NRG3: variants seen among roughly 807,000 people sequenced by gnomAD.
NRG3 encodes pro-neuregulin-3, membrane-bound isoform.
A neutral mutation model predicts 66.9 loss-of-function variants in NRG3; 31 were observed. The ratio of observed to expected loss-of-function variants is 0.46; its 90% CI spans 0.35 to 0.63. NRG3 has a LOEUF of 0.63. Among genes scored for constraint, NRG3 ranks in the 20% least tolerant of loss-of-function variants. The pLI, the probability that NRG3 is intolerant of heterozygous loss-of-function variation, is 0.00. For synonymous variants in NRG3, 393 were observed against 359.4 expected, an observed-to-expected ratio of 1.09 and a Z score of -1.06; for missense variants, 910 against 878.9, an observed-to-expected ratio of 1.04 and a Z score of -0.45.
intron 2 of NRG3, among the ~76,000 whole-genome samples, chr10:82,543,178 C>A (rs111889764): frequency 9.9e-5 from 15 of 152,086 alleles, no homozygotes; most frequent in African/African-American, 3.6e-4. Flanking sequence ...AGGCGGGAGC[C>A]ACCGTGCCCA....
At chr10:82,909,618 C>T (rs1845122023) in intron 4 of NRG3, among the ~76,000 whole-genome samples, 1 of 152,152 alleles carries the variant, frequency 6.6e-6, no homozygotes. Flanking sequence ...CATGTGCAGA[C>T]CAGAAGCACC....
chr10:82,822,392 G>A (rs961483613), intron 3 of NRG3, among the ~76,000 whole-genome samples: 11 of 152,082 alleles, frequency 7.2e-5, no homozygotes, highest in Non-Finnish European at 1.5e-4. Context: ...CCAGCAGGGA[G>A]AGAGGCACTA....
intron 1 of NRG3, among the ~76,000 whole-genome samples, chr10:82,153,936 T>C (rs889870747): frequency 6.6e-6 from 1 of 152,060 alleles, no homozygotes; most frequent in Non-Finnish European, 1.5e-5. Context: ...CATTCAGTTG[T>C]TTGAGTTCCT....
chr10:82,274,859 A>G (rs568842134), intron 1 of NRG3, among the ~76,000 whole-genome samples: 87 of 152,038 alleles, frequency 5.7e-4, no homozygotes, highest in Non-Finnish European at 1.0e-3. Context: ...ACTTGATCAG[A>G]CAAGACAGAA....
At chr10:82,367,451 A>G (rs938613353) in intron 2 of NRG3, among the ~76,000 whole-genome samples, 2 of 152,174 alleles carry the variant, frequency 1.3e-5, no homozygotes, top group African/African-American at 4.8e-5. Context: ...GAACTTTATC[A>G]AACTTTCTTT....
At position 82,955,643 on chromosome 10, in the gene NRG3, G is replaced by A. The variant is rs74426999; in HGVS notation, c.1158-3306G>A. Among the ~76,000 whole-genome samples the A allele has an allele frequency of 2.2e-3, 327 of 151,832 alleles. 7 individuals carry two copies. The highest frequency in any genetic ancestry group is 7.7e-3 in the African/African-American group (317 of 41,184). On this transcript the variant is annotated intron_variant, in intron 5 of 8. Coordinates refer to ENST00000372141, the MANE Select transcript of NRG3 (RefSeq NM_001010848.4). Reference sequence around the variant, plus strand: ...GGAAAAAAGAGGAGGATAAAAACTGGTATTATCAGTAAAATGTAGACACGG... The same window carrying A: ...GGAAAAAAGAGGAGGATAAAAACTGATATTATCAGTAAAATGTAGACACGG...
chr10:82,612,310 C>T (rs754863455), intron 2 of NRG3, among the ~76,000 whole-genome samples: 10 of 152,010 alleles, frequency 6.6e-5, no homozygotes, highest in Non-Finnish European at 1.5e-4. Flanking sequence ...CCTTCCTTCC[C>T]TCATTCATTC....
At chr10:82,627,473 AAAAT>A (rs1392764418) in intron 2 of NRG3, among the ~76,000 whole-genome samples, 7 of 152,174 alleles carry the variant, frequency 4.6e-5, no homozygotes, top group African/African-American at 1.2e-4. Flanking sequence ...GCTGTAGAAA[AAAAT>A]AAATAAAACA....
intron 1 of NRG3, among the ~76,000 whole-genome samples, chr10:81,999,326 T>C (rs1424985401): frequency 6.6e-6 from 1 of 152,192 alleles, no homozygotes; most frequent in African/African-American, 2.4e-5. Context: ...GAACGATTTC[T>C]AAAACTTATC....
intron 2 of NRG3, among the ~76,000 whole-genome samples, chr10:82,483,244 C>T (rs1035566615): frequency 6.6e-6 from 1 of 152,142 alleles, no homozygotes; most frequent in African/African-American, 2.4e-5. Flanking sequence ...AATGATGATG[C>T]TTTTATTATG....
intron 1 of NRG3, among the ~76,000 whole-genome samples, chr10:81,990,268 G>A (rs972968799): frequency 2.2e-4 from 34 of 152,250 alleles, no homozygotes; most frequent in African/African-American, 7.2e-4. Context: ...AAGCAGTGAT[G>A]AACATGGGAG....
Position 82,277,515 on chromosome 10 carries a change from C to T in NRG3, c.824-81224C>T, listed in dbSNP as rs537031969. ...TACTTGGGGGATAGATAATAATAAT[C>T]ATATCTTTCTCAATAAGGGAATATG... On this transcript the variant is annotated intron_variant, in intron 1 of 8. Coordinates refer to ENST00000372141, the MANE Select transcript of NRG3 (RefSeq NM_001010848.4). 5.3e-5 allele frequency among the ~76,000 whole-genome samples: 8 copies of T among 152,102 alleles called. No homozygotes were observed. In the South Asian group the frequency reaches 1.7e-3, roughly 32 times the overall value.
At chr10:82,228,293 T>C (rs2076266800) in intron 1 of NRG3, among the ~76,000 whole-genome samples, 1 of 152,194 alleles carries the variant, frequency 6.6e-6, no homozygotes, top group African/African-American at 2.4e-5. Context: ...CAAGTTCAAA[T>C]TTGGGGCTTT....
intron 6 of NRG3, among the ~76,000 whole-genome samples, chr10:82,965,448 T>A (rs903860209): frequency 6.6e-6 from 1 of 152,102 alleles, no homozygotes; most frequent in African/African-American, 2.4e-5. Context: ...AAAATAAATA[T>A]TTTTGGGCTG....
chr10:82,343,740 A>G (rs2135414719), intron 1 of NRG3, among the ~76,000 whole-genome samples: 1 of 152,256 alleles, frequency 6.6e-6, no homozygotes, highest in Middle Eastern at 3.4e-3. Flanking sequence ...ATTTTATTCT[A>G]TATGGTAACT....
At chr10:82,257,730 G>A (rs2077807653) in intron 1 of NRG3, among the ~76,000 whole-genome samples, 1 of 152,046 alleles carries the variant, frequency 6.6e-6, no homozygotes, top group South Asian at 2.1e-4. Context: ...TCACACCATT[G>A]CCCTTTAGCC....
intron 1 of NRG3, among the ~76,000 whole-genome samples, chr10:82,323,493 T>TC (rs1298946998): frequency 3.3e-5 from 5 of 151,868 alleles, no homozygotes; most frequent in Non-Finnish European, 7.4e-5. Context: ...ATTATCCTTT[T>TC]TTTTTTTTTT....
intron 1 of NRG3, among the ~76,000 whole-genome samples, chr10:82,075,280 G>A (rs1021874156): frequency 6.6e-6 from 1 of 152,146 alleles, no homozygotes; most frequent in African/African-American, 2.4e-5. Context: ...GTGGCAGTAT[G>A]TGGTTTTTGT....
intron 1 of NRG3, among the ~76,000 whole-genome samples, chr10:82,343,691 C>A (rs1290861199): frequency 6.6e-6 from 1 of 152,072 alleles, no homozygotes; most frequent in African/African-American, 2.4e-5. Context: ...TACAGCAGTG[C>A]ACTTCACTAA....
Sources: gnomAD v4.1 joint callset for allele counts (sites outside exome capture counted in the v4.1 genomes callset) on GRCh38, gnomAD v4.1.1 for gene constraint, MANE v1.5 for transcripts, NCBI Gene and HGNC (gene_info 2026-07-23, HGNC 2026-07-21) for gene names.